Variants in EPHB1 observed in about 807,000 individuals in gnomAD.
The protein encoded by EPHB1 is ephrin type-B receptor 1.
A neutral mutation model predicts 94.4 loss-of-function variants in EPHB1; 30 were observed. That is an observed-to-expected ratio of 0.32 (90% CI 0.24 to 0.43). The LOEUF (loss-of-function observed/expected upper bound fraction) is 0.43, where lower values mean the gene tolerates loss of function less well. EPHB1 is among the 20% of genes least tolerant of loss of function. The pLI is 1.00. For synonymous variants in EPHB1, 522 were observed against 489.1 expected, an observed-to-expected ratio of 1.07 and a Z score of -0.89; for missense variants, 1,055 against 1,308.3, an observed-to-expected ratio of 0.81 and a Z score of 2.99.
intron 3 of EPHB1, among the ~76,000 whole-genome samples, chr3:135,055,509 A>G (rs962182683): frequency 6.6e-6 from 1 of 152,226 alleles, no homozygotes; most frequent in Non-Finnish European, 1.5e-5. Flanking sequence ...GCCCTTGTCC[A>G]CAATGGCCAT....
chr3:135,239,950 A>T (rs983941728), intron 12 of EPHB1, among the ~76,000 whole-genome samples: 1 of 152,108 alleles, frequency 6.6e-6, no homozygotes, highest in Non-Finnish European at 1.5e-5. Flanking sequence ...AGGCACAGAG[A>T]GGTAGGTTAC....
rs1180041817 is a variant in EPHB1 at position 134,795,582 on chromosome 3, C to G, written c.-50C>G. On this transcript the variant is annotated 5_prime_UTR_variant, in exon 1 of 16. Transcript: ENST00000398015. ...CGGCGCCCTGGGACGCGGCGCTCTC[C>G]CGGCGCTGCTGCCTCGGCTTGGTCT... The G allele has an allele frequency of 6.3e-7, 1 of 1,583,248 alleles. No individual in the cohort carries two copies.
intron 1 of EPHB1, among the ~76,000 whole-genome samples, chr3:134,807,370 A>G (rs766366874): frequency 3.9e-5 from 6 of 152,184 alleles, no homozygotes; most frequent in Non-Finnish European, 7.3e-5. Context: ...AGAGCCACGC[A>G]GACTACAGGC....
At chr3:134,876,088 T>C (rs2037611427) in intron 1 of EPHB1, among the ~76,000 whole-genome samples, 8 of 152,152 alleles carry the variant, frequency 5.3e-5, no homozygotes, top group Admixed American at 5.2e-4. Flanking sequence ...CAGCATGTGG[T>C]CTAGGGCTCC....
chr3:134,961,582 C>T (rs1933523124), intron 3 of EPHB1, among the ~76,000 whole-genome samples: 1 of 152,200 alleles, frequency 6.6e-6, no homozygotes. Context: ...TTGTCAGTTT[C>T]TAATATTCTC....
chr3:134,931,192 C>A (rs1478630136), intron 2 of EPHB1, among the ~76,000 whole-genome samples: 1 of 152,208 alleles, frequency 6.6e-6, no homozygotes, highest in Non-Finnish European at 1.5e-5. Context: ...TAGTGATGCA[C>A]ATGGAGCCAC....
chr3:135,188,969 C>T (rs370159420), intron 10 of EPHB1, among the ~76,000 whole-genome samples: 1 of 151,794 alleles, frequency 6.6e-6, no homozygotes, highest in Admixed American at 6.6e-5. Flanking sequence ...ACCATGACCA[C>T]GAAGGTAACC....
chr3:134,994,273 G>C (rs543980714), intron 3 of EPHB1, among the ~76,000 whole-genome samples: 8 of 152,188 alleles, frequency 5.3e-5, no homozygotes, highest in African/African-American at 1.9e-4. Context: ...TAAATAATAT[G>C]ATAAATATAT....
At position 135,104,144 on chromosome 3, in the gene EPHB1, C is replaced by A. The variant is rs979237931; in HGVS notation, c.806-2304C>A. Among the ~76,000 whole-genome samples, 8 of 152,306 alleles carry A rather than the reference C, an allele frequency of 5.3e-5. No individual in the cohort carries two copies. In the South Asian group the frequency reaches 1.4e-3, roughly 28 times the overall value. ...TCCAGAGACAGAGCTCCTGCCGAGT[C>A]CAGGCAGCACAGGCCTGGGATTTGT... On this transcript the variant is annotated intron_variant, in intron 3 of 15. Coordinates refer to ENST00000398015, the MANE Select transcript of EPHB1 (RefSeq NM_004441.5).
intron 3 of EPHB1, among the ~76,000 whole-genome samples, chr3:135,056,854 T>A (rs191377526): frequency 6.6e-6 from 1 of 152,194 alleles, no homozygotes; most frequent in African/African-American, 2.4e-5. Context: ...AGGGGAGGCA[T>A]CCAGGCGGTG....
At chr3:134,983,724 C>T (rs1214662784) in intron 3 of EPHB1, among the ~76,000 whole-genome samples, 1 of 152,184 alleles carries the variant, frequency 6.6e-6, no homozygotes, top group Non-Finnish European at 1.5e-5. Context: ...GTTGGAGCCC[C>T]CTGTGAGGGG....
chr3:134,864,713 C>G (rs1006807803), intron 1 of EPHB1, among the ~76,000 whole-genome samples: 15 of 152,340 alleles, frequency 9.8e-5, no homozygotes, highest in African/African-American at 3.6e-4. Flanking sequence ...AAGTGGGAGA[C>G]AATCTCATCA....
rs183132211 is a variant in EPHB1, at chr3:135,032,153, A to G, written c.806-74295A>G. Reference sequence around the variant, plus strand: ...CTTTTTATCTGATAAAATTTATTCTAGTGCTTTTTGGATAACTTCTATCCA... The same window carrying G: ...CTTTTTATCTGATAAAATTTATTCTGGTGCTTTTTGGATAACTTCTATCCA... On this transcript the variant is annotated intron_variant, in intron 3 of 15. Coordinates refer to ENST00000398015, the MANE Select transcript of EPHB1 (RefSeq NM_004441.5). Among the ~76,000 whole-genome samples, 886 of 151,510 alleles carry G rather than the reference A, an allele frequency of 5.8e-3. 5 individuals carry two copies. The highest frequency in any genetic ancestry group is 0.021 in the African/African-American group (850 of 41,328).
intron 5 of EPHB1, among the ~76,000 whole-genome samples, chr3:135,151,309 G>A (rs1312090473): frequency 6.6e-6 from 1 of 152,188 alleles, no homozygotes; most frequent in Admixed American, 6.5e-5. Flanking sequence ...GCCCCCTGTG[G>A]ACTCCTCTCT....
intron 3 of EPHB1, among the ~76,000 whole-genome samples, chr3:135,050,062 G>A (rs1272947828): frequency 6.6e-6 from 1 of 152,148 alleles, no homozygotes; most frequent in Non-Finnish European, 1.5e-5. Context: ...AAGGTCATGT[G>A]CAGTTTGTTT....
intron 3 of EPHB1, among the ~76,000 whole-genome samples, chr3:135,058,675 T>C (rs1042296585): frequency 6.6e-6 from 1 of 152,226 alleles, no homozygotes; most frequent in African/African-American, 2.4e-5. Flanking sequence ...AAGCTTTACC[T>C]GTTCCTTCAA....
chr3:134,898,296 GA>G (rs1038305500), intron 1 of EPHB1, among the ~76,000 whole-genome samples: 1 of 151,950 alleles, frequency 6.6e-6, no homozygotes. Context: ...ATTTTCAGAT[GA>G]AAAAAAATCA....
chr3:135,123,082 C>T (rs1940042138), intron 4 of EPHB1, among the ~76,000 whole-genome samples: 1 of 152,156 alleles, frequency 6.6e-6, no homozygotes, highest in African/African-American at 2.4e-5. Flanking sequence ...TGCATCACAG[C>T]TGTGTTGTAC....
intron 5 of EPHB1, among the ~76,000 whole-genome samples, chr3:135,142,850 G>A (rs758089925): frequency 6.6e-6 from 1 of 152,170 alleles, no homozygotes; most frequent in African/African-American, 2.4e-5. Context: ...GAATGGGGGC[G>A]TGACGGTGGG....
Sources: allele counts gnomAD v4.1 joint callset (sites outside exome capture counted in the v4.1 genomes callset), GRCh38; gene constraint gnomAD v4.1.1; transcripts MANE v1.5; gene names NCBI Gene and HGNC (gene_info 2026-07-23, HGNC 2026-07-21).